Variants in SPATA13 observed in about 807,000 individuals in gnomAD.
The protein encoded by SPATA13 is spermatogenesis associated 13.
SPATA13 carries 50 observed loss-of-function variants against 104.0 expected under a neutral mutation model. The observed-to-expected ratio is 0.48, with a 90% confidence interval of 0.38 to 0.61. SPATA13 has a LOEUF of 0.61. Among genes scored for constraint, SPATA13 ranks in the 20% least tolerant of loss-of-function variants. The pLI is 0.00. For synonymous variants in SPATA13, 606 were observed against 667.5 expected (o/e 0.91, Z 1.42); for missense variants, 1,524 against 1,690.6 (o/e 0.90, Z 1.73).
intron 3 of SPATA13, among the ~76,000 whole-genome samples, chr13:24,155,313 C>CCTA: frequency 6.6e-6 from 1 of 152,256 alleles, no homozygotes; most frequent in East Asian, 1.9e-4. Context: ...AACTTTAGGG[C>CCTA]CTACTGTGTA....
chr13:24,159,133 T>G (rs570826761), upstream of SPATA13, among the ~76,000 whole-genome samples: 53,845 of 151,696 alleles, frequency 0.35, 9,765 homozygotes, highest in Admixed American at 0.45. Context: ...ACCGTGATAT[T>G]TTTTTTTAAA....
chr13:24,122,882 G>T, intron 3 of SPATA13: 1 of 773,946 alleles, frequency 1.3e-6, no homozygotes, highest in Non-Finnish European at 2.4e-6. Flanking sequence ...CAGTAGGAAC[G>T]ACCTGTAAGC....
intron 2 of SPATA13, among the ~76,000 whole-genome samples, chr13:23,990,066 A>G (rs1371029718): frequency 1.3e-5 from 2 of 152,212 alleles, no homozygotes; most frequent in Admixed American, 6.5e-5. Flanking sequence ...GACAACTGCC[A>G]ACCAGTTCCA....
At chr13:24,270,454 C>G (rs762859231) in intron 4 of SPATA13, among the ~76,000 whole-genome samples, 2 of 152,096 alleles carry the variant, frequency 1.3e-5, no homozygotes, top group Non-Finnish European at 2.9e-5. Context: ...AAATAAATAC[C>G]TTTTGAAAAG....
Position 24,304,786 on chromosome 13 carries a change from T to C in SPATA13, c.*2013T>C, listed in dbSNP as rs1013438027. The stretch of plus-strand genomic sequence containing the variant: ...GTGGACCATCATGCCGCTCGGCACG[T>C]CCTGAGACAGAAGTTGCTGCAGGAA... On this transcript the variant is annotated 3_prime_UTR_variant, in exon 13 of 13. Coordinates refer to ENST00000382108, the MANE Select transcript of SPATA13 (RefSeq NM_001166271.3). The C allele has an allele frequency of 2.6e-5, 4 of 152,246 alleles. No homozygotes were observed. The highest frequency in any genetic ancestry group is 1.9e-4 in the East Asian group (1 of 5,202). 9.4% of individuals were successfully genotyped at this position (152,246 alleles called of 1,614,324 possible).
chr13:24,229,687 T>A (rs530124310), intron 2 of SPATA13, among the ~76,000 whole-genome samples: 1 of 152,332 alleles, frequency 6.6e-6, no homozygotes, highest in East Asian at 1.9e-4. Flanking sequence ...AACAGTTAGT[T>A]TGACATCATG....
intron 3 of SPATA13, among the ~76,000 whole-genome samples, chr13:24,045,328 GT>G (rs1248249299): frequency 1.3e-5 from 2 of 152,088 alleles, no homozygotes; most frequent in African/African-American, 4.8e-5. Flanking sequence ...TTTCTATGAG[GT>G]TTTAAAAAGG....
intron 3 of SPATA13, among the ~76,000 whole-genome samples, chr13:24,116,068 G>A (rs941132981): frequency 5.3e-5 from 8 of 152,220 alleles, no homozygotes; most frequent in African/African-American, 1.9e-4. Context: ...ACTGTGGGAG[G>A]TGAGTATATA....
At chr13:24,125,673 C>A (rs551686637) in intron 3 of SPATA13, among the ~76,000 whole-genome samples, 2 of 152,030 alleles carry the variant, frequency 1.3e-5, no homozygotes, top group Non-Finnish European at 2.9e-5. Flanking sequence ...AAGGGATGGA[C>A]GTTTTTGTTG....
intron 2 of SPATA13, among the ~76,000 whole-genome samples, chr13:23,993,115 G>T (rs531311741): frequency 6.6e-6 from 1 of 151,920 alleles, no homozygotes; most frequent in African/African-American, 2.4e-5. Context: ...AGTCTAAGTC[G>T]CTACATAAGG....
chr13:24,019,270 A>G (rs1336429249), intron 3 of SPATA13, among the ~76,000 whole-genome samples: 2 of 151,342 alleles, frequency 1.3e-5, no homozygotes, highest in African/African-American at 2.4e-5. Flanking sequence ...TTGTATTTTT[A>G]GTAGAGACGG....
chr13:24,249,582 C>T lies in SPATA13; in HGVS notation c.1759C>T (p.Pro587Ser). 6.2e-7 allele frequency: 1 copy of T among 1,614,026 alleles called. No homozygotes were observed. The highest frequency in any genetic ancestry group is 8.5e-7 in the Non-Finnish European group (1 of 1,179,892). Residue 587 changes from proline to serine, a missense_variant, in exon 3 of 13, where the codon CCT (proline) becomes TCT (serine). Pro to Ser is a moderately conservative substitution (Grantham distance 74). Transcript: ENST00000382108. Reference sequence around the variant, plus strand: ...ATGGGGCTCTGGGAGACGGCCAAGGCCTCGGCCATTCTCTGACTACGGCCA... The same window carrying T: ...ATGGGGCTCTGGGAGACGGCCAAGGTCTCGGCCATTCTCTGACTACGGCCA... ...RRWGSGRRPR[P>S]RPFSDYGQLA...
chr13:24,245,742 A>C (rs926764649), intron 2 of SPATA13, among the ~76,000 whole-genome samples: 2 of 150,832 alleles, frequency 1.3e-5, no homozygotes, highest in Non-Finnish European at 3.0e-5. Context: ...CAGGCACATA[A>C]AACCGTGCCC....
Position 24,154,999 on chromosome 13 carries a change from A to G in SPATA13, c.-111-67820A>G, listed in dbSNP as rs146472004. On this transcript the variant is annotated intron_variant, in intron 3 of 14. Transcript: ENST00000424834. ...CAGCCTCCCTTGTAGCTGGGATTAC[A>G]GGTGTGTGCCACCATGCCCAGCTGG... Among the ~76,000 whole-genome samples, 49 of 152,282 alleles carry G rather than the reference A, an allele frequency of 3.2e-4. No individual in the cohort carries two copies. The East Asian group carries it at 9.1e-3, about 28-fold the overall frequency.
At chr13:24,267,178 T>A (rs1874337643) in intron 4 of SPATA13, among the ~76,000 whole-genome samples, 1 of 152,192 alleles carries the variant, frequency 6.6e-6, no homozygotes, top group Non-Finnish European at 1.5e-5. Flanking sequence ...TTCCTAAAGT[T>A]GATGGTAGTC....
intron 3 of SPATA13, among the ~76,000 whole-genome samples, chr13:24,143,473 T>C (rs1485540238): frequency 6.6e-6 from 1 of 152,210 alleles, no homozygotes; most frequent in East Asian, 1.9e-4. Flanking sequence ...CCTATGTTCT[T>C]TTATATTTTG....
At chr13:24,117,683 A>AG (rs78426153) in intron 3 of SPATA13, among the ~76,000 whole-genome samples, 25,495 of 152,010 alleles carry the variant, frequency 0.17, 3,288 homozygotes, top group African/African-American at 0.35. Flanking sequence ...AGAAATTAAG[A>AG]GAAAAAAAAC....
At chr13:24,155,917 T>A (rs1241453642), upstream of SPATA13, among the ~76,000 whole-genome samples, 1 of 152,204 alleles carries the variant, frequency 6.6e-6, no homozygotes, top group Non-Finnish European at 1.5e-5. Flanking sequence ...ATACCTCATA[T>A]AAGTGAAATC....
At chr13:24,200,235 G>A (rs953204787) in intron 1 of SPATA13, among the ~76,000 whole-genome samples, 1 of 152,172 alleles carries the variant, frequency 6.6e-6, no homozygotes, top group East Asian at 1.9e-4. Context: ...CAGGGATGTG[G>A]CACTCCTGGG....
Sources: allele counts gnomAD v4.1 joint callset (sites outside exome capture counted in the v4.1 genomes callset), GRCh38; gene constraint gnomAD v4.1.1; transcripts MANE v1.5; gene names NCBI Gene and HGNC (gene_info 2026-07-23, HGNC 2026-07-21).